Variants in KLF8 observed in about 807,000 individuals in gnomAD.
KLF8 encodes KLF transcription factor 8.
KLF8 carries 10 observed loss-of-function variants against 18.2 expected under a neutral mutation model. The observed-to-expected ratio is 0.55, with a 90% confidence interval of 0.34 to 0.93. KLF8 has a LOEUF of 0.93. KLF8 is among the 40% of genes least tolerant of loss of function. The pLI, the probability that KLF8 is intolerant of heterozygous loss-of-function variation, is 0.02. For synonymous variants in KLF8, 109 were observed against 97.3 expected (o/e 1.12, Z -0.71); for missense variants, 264 against 277.9 (o/e 0.95, Z 0.36).
At position 56,269,398 on chromosome X, in the gene KLF8, A is replaced by G. The variant is rs771485287; in HGVS notation, c.667A>G (p.Met223Val). ...TTTAGTGAAAGTTGACCCCACCTCCATGTCTCCACTGGAAATTCCAAGTGA... is the reference window on the plus strand; with the variant it reads ...TTTAGTGAAAGTTGACCCCACCTCCGTGTCTCCACTGGAAATTCCAAGTGA... The part of the protein sequence containing the change: ...AGSVKVDPTS[M>V]SPLEIPSDSE... The change falls in exon 4 of 6, where the codon ATG becomes GTG. Residue 223 changes from methionine to valine, a missense_variant. Coordinates refer to ENST00000468660, the MANE Select transcript of KLF8 (RefSeq NM_007250.5). 8.3e-7 allele frequency: 1 copy of G among 1,208,409 alleles called. No homozygotes were observed. Among genetic ancestry groups the G allele is most frequent in the Non-Finnish European group, 1.1e-6 (1 of 894,148 alleles).
the KLF8 span, among the ~76,000 whole-genome samples, chrX:56,056,831 T>TAAAA: frequency 1.6e-4 from 10 of 62,689 alleles, no homozygotes; most frequent in African/African-American, 2.4e-4. Flanking sequence ...ATTGCAGGTG[T>TAAAA]AAAAAAAAAA....
At chrX:56,000,804 T>C in the KLF8 span, among the ~76,000 whole-genome samples, 24 of 112,039 alleles carry the variant, frequency 2.1e-4, no homozygotes, top group Non-Finnish European at 4.1e-4. Flanking sequence ...CATTTTACTT[T>C]TTTTTTGTAT....
chrX:55,934,222 TCA>T, the KLF8 span, among the ~76,000 whole-genome samples: 1 of 111,880 alleles, frequency 8.9e-6, no homozygotes, highest in Admixed American at 9.5e-5. Context: ...CTGTTACCTA[TCA>T]GAGTCATGGT....
At chrX:56,009,495 G>T in the KLF8 span, among the ~76,000 whole-genome samples, 1 of 111,953 alleles carries the variant, frequency 8.9e-6, no homozygotes, top group Non-Finnish European at 1.9e-5. Context: ...AACTCATGAA[G>T]ATGAGAAAGA....
the KLF8 span, among the ~76,000 whole-genome samples, chrX:55,934,523 C>A: frequency 8.9e-6 from 1 of 112,240 alleles, no homozygotes; most frequent in Admixed American, 9.4e-5. Context: ...TAGCACCAGA[C>A]TTTGAATCAG....
Position 56,290,948 on chromosome X carries a change from A to G in KLF8, c.*6454A>G, listed in dbSNP as rs1357749909. On this transcript the variant is annotated 3_prime_UTR_variant, in exon 6 of 6. Transcript: ENST00000468660. ...CTCCTTCCTTTCCTAGAGTCGCTAC[A>G]AGTAGCTGTGTTGGACATTACTTTA... Among the ~76,000 whole-genome samples the G allele has an allele frequency of 1.8e-5, 2 of 111,511 alleles. No homozygotes were observed. Among genetic ancestry groups the G allele is most frequent in the Non-Finnish European group, 3.8e-5 (2 of 53,049 alleles).
the KLF8 span, among the ~76,000 whole-genome samples, chrX:56,135,788 A>T: frequency 2.7e-5 from 3 of 112,351 alleles, no homozygotes; most frequent in Non-Finnish European, 5.6e-5. Flanking sequence ...AAACAATGAA[A>T]TTAAAGCAGA....
At chrX:56,098,629 A>G in the KLF8 span, among the ~76,000 whole-genome samples, 1 of 111,731 alleles carries the variant, frequency 9.0e-6, no homozygotes, top group African/African-American at 3.3e-5. Context: ...AGGTAACATT[A>G]TACTCATTGG....
At chrX:55,912,201 A>G in the KLF8 span, among the ~76,000 whole-genome samples, 1 of 111,537 alleles carries the variant, frequency 9.0e-6, no homozygotes, top group Non-Finnish European at 1.9e-5. Flanking sequence ...TTGTGATAAA[A>G]CAATCAGTAC....
chrX:55,971,003 GATTAAATGCAATC>G, the KLF8 span, among the ~76,000 whole-genome samples: 2 of 111,409 alleles, frequency 1.8e-5, no homozygotes, highest in Admixed American at 9.5e-5. Context: ...GTAGTCTGCA[GATTAAATGCAATC>G]TCTACGAAAA....
At chrX:56,012,856 A>T in the KLF8 span, among the ~76,000 whole-genome samples, 1 of 112,055 alleles carries the variant, frequency 8.9e-6, no homozygotes, top group Non-Finnish European at 1.9e-5. Context: ...TAGAAAAAAA[A>T]ACTATTCTAA....
chrX:56,065,840 G>T, the KLF8 span, among the ~76,000 whole-genome samples: 4 of 111,993 alleles, frequency 3.6e-5, no homozygotes, highest in Non-Finnish European at 7.5e-5. Flanking sequence ...TTCTTCAGTG[G>T]TTTATAGTGC....
At chrX:56,185,944 G>C in the KLF8 span, among the ~76,000 whole-genome samples, 1 of 111,859 alleles carries the variant, frequency 8.9e-6, no homozygotes, top group African/African-American at 3.2e-5. Context: ...AGACCATTGA[G>C]GCTAGGAAGT....
At chrX:56,263,132 G>A (rs1317269489) in intron 2 of KLF8, among the ~76,000 whole-genome samples, 1 of 111,822 alleles carries the variant, frequency 8.9e-6, no homozygotes, top group Admixed American at 9.5e-5. Context: ...GGGATTCTGA[G>A]AACAGGGGAG....
chrX:56,162,201 A>G, the KLF8 span, among the ~76,000 whole-genome samples: 2 of 111,986 alleles, frequency 1.8e-5, no homozygotes, highest in East Asian at 5.6e-4. Context: ...CCTCCCAGTT[A>G]GGATACTTGG....
the KLF8 span, among the ~76,000 whole-genome samples, chrX:56,168,449 T>C: frequency 8.9e-6 from 1 of 112,183 alleles, no homozygotes; most frequent in South Asian, 3.7e-4. Context: ...GTTAGACAAA[T>C]TAATATTGTT....
the KLF8 span, among the ~76,000 whole-genome samples, chrX:55,946,564 A>T: frequency 8.9e-6 from 1 of 111,831 alleles, no homozygotes; most frequent in Admixed American, 9.5e-5. Context: ...ACCATTCAGG[A>T]CATAGGCATG....
At chrX:56,144,448 A>G in the KLF8 span, among the ~76,000 whole-genome samples, 1 of 110,557 alleles carries the variant, frequency 9.0e-6, no homozygotes, top group African/African-American at 3.3e-5. Context: ...ATCAGAATAC[A>G]TAAAGAACAC....
chrX:56,254,894 C>T (rs1367187549), intron 2 of KLF8, among the ~76,000 whole-genome samples: 1 of 111,360 alleles, frequency 9.0e-6, no homozygotes, highest in African/African-American at 3.3e-5. Context: ...AACATTCAAG[C>T]AGGAAAACGG....
Sources: allele counts gnomAD v4.1 joint callset (sites outside exome capture counted in the v4.1 genomes callset), GRCh38; gene constraint gnomAD v4.1.1; transcripts MANE v1.5; gene names NCBI Gene and HGNC (gene_info 2026-07-23, HGNC 2026-07-21).